Variants in UBE2G1 observed in about 807,000 individuals in gnomAD.
UBE2G1 encodes the protein ubiquitin-conjugating enzyme E2 G1.
UBE2G1 carries 5 observed loss-of-function variants against 22.7 expected under a neutral mutation model. The observed-to-expected ratio is 0.22, with a 90% CI of 0.12 to 0.46. The LOEUF is 0.46. Ranked by LOEUF, UBE2G1 falls within the 20% of genes least tolerant of loss-of-function variation. The probability of loss-of-function intolerance (pLI) is 0.99; values close to 1 mark genes in which losing one functional copy is unlikely to be tolerated. For synonymous variants in UBE2G1, 74 were observed against 67.5 expected (o/e 1.10, Z -0.47); for missense variants, 88 against 203.9 (o/e 0.43, Z 3.46).
chr17:4,292,190 G>C (rs1038752048), intron 3 of UBE2G1, among the ~76,000 whole-genome samples: 14 of 151,768 alleles, frequency 9.2e-5, no homozygotes, highest in African/African-American at 2.7e-4. Context: ...GCCGGGCTTG[G>C]TGGCACGCAC....
At chr17:4,278,244 T>A (rs530308258) in intron 5 of UBE2G1, among the ~76,000 whole-genome samples, 140 of 152,294 alleles carry the variant, frequency 9.2e-4, no homozygotes, top group African/African-American at 3.3e-3. Flanking sequence ...TACAAAAAAA[T>A]TGTGTAATGG....
intron 1 of UBE2G1, among the ~76,000 whole-genome samples, chr17:4,363,509 C>T (rs1969992121): frequency 1.3e-5 from 2 of 152,162 alleles, no homozygotes; most frequent in Admixed American, 1.3e-4. Context: ...AAAACGGAAC[C>T]AGATGACCAT....
intron 1 of UBE2G1, among the ~76,000 whole-genome samples, chr17:4,354,584 C>T (rs1375535014): frequency 6.6e-6 from 1 of 152,064 alleles, no homozygotes; most frequent in Non-Finnish European, 1.5e-5. Flanking sequence ...GAAAATAAAA[C>T]TGTTTCTACT....
intron 1 of UBE2G1, among the ~76,000 whole-genome samples, chr17:4,319,990 T>C (rs1969419831): frequency 6.6e-6 from 1 of 151,948 alleles, no homozygotes; most frequent in African/African-American, 2.4e-5. Flanking sequence ...TAATAATATA[T>C]GCTGTCATTG....
chr17:4,318,751 T>C (rs1598192542), intron 1 of UBE2G1, among the ~76,000 whole-genome samples: 1 of 152,160 alleles, frequency 6.6e-6, no homozygotes, highest in Non-Finnish European at 1.5e-5. Flanking sequence ...TTCCCCACAT[T>C]ATACGGGGCA....
intron 1 of UBE2G1, among the ~76,000 whole-genome samples, chr17:4,319,325 ATAGG>A (rs1263738264): frequency 6.6e-6 from 1 of 152,336 alleles, no homozygotes; most frequent in East Asian, 1.9e-4. Flanking sequence ...CAAGTCCAGT[ATAGG>A]TGGGTGGGTG....
At chr17:4,274,218 G>C (rs1189477585) in intron 5 of UBE2G1, among the ~76,000 whole-genome samples, 1 of 113,762 alleles carries the variant, frequency 8.8e-6, no homozygotes, top group South Asian at 3.0e-4. Context: ...TTTTTTTTGA[G>C]ACAGAGTCTT....
intron 1 of UBE2G1, among the ~76,000 whole-genome samples, chr17:4,356,524 A>G (rs1317217727): frequency 6.6e-6 from 1 of 152,180 alleles, no homozygotes; most frequent in East Asian, 1.9e-4. Context: ...CTGATCCTTT[A>G]TTCCATTTTC....
chr17:4,353,458 T>TAC (rs1460520780), intron 1 of UBE2G1, among the ~76,000 whole-genome samples: 21 of 133,424 alleles, frequency 1.6e-4, no homozygotes, highest in African/African-American at 6.2e-4. Flanking sequence ...GATATATATA[T>TAC]ATATACACAC....
chr17:4,358,394 T>C (rs73330879), intron 1 of UBE2G1, among the ~76,000 whole-genome samples: 8,090 of 152,124 alleles, frequency 0.053, 758 homozygotes, highest in African/African-American at 0.19. Context: ...GCCTCCCTAG[T>C]AGCTGAAACT....
At chr17:4,348,454 G>A (rs1460907288) in intron 1 of UBE2G1, among the ~76,000 whole-genome samples, 1 of 150,454 alleles carries the variant, frequency 6.6e-6, no homozygotes, top group Admixed American at 6.6e-5. Flanking sequence ...TTGGGAGGCT[G>A]AGGCAGGAGA....
chr17:4,309,062 C>T (rs1969278773), intron 1 of UBE2G1, among the ~76,000 whole-genome samples: 1 of 152,170 alleles, frequency 6.6e-6, no homozygotes, highest in Middle Eastern at 3.2e-3. Context: ...GAGTTCAAGA[C>T]CAGCCTGGCC....
intron 1 of UBE2G1, among the ~76,000 whole-genome samples, chr17:4,339,146 A>G (rs1969682991): frequency 6.6e-6 from 1 of 152,220 alleles, no homozygotes; most frequent in Non-Finnish European, 1.5e-5. Flanking sequence ...ACATCATGTT[A>G]GATCAAGAGA....
At chr17:4,337,450 C>T (rs536880518) in intron 1 of UBE2G1, among the ~76,000 whole-genome samples, 22 of 151,614 alleles carry the variant, frequency 1.5e-4, no homozygotes, top group African/African-American at 3.4e-4. Context: ...GTCAGGGGTT[C>T]GAAACCAGCC....
chr17:4,356,619 G>T (rs1300223561), intron 1 of UBE2G1, among the ~76,000 whole-genome samples: 4 of 152,194 alleles, frequency 2.6e-5, no homozygotes, highest in Non-Finnish European at 5.9e-5. Context: ...TGTAATCCCA[G>T]CACTCTGGGA....
At chr17:4,330,595 G>A (rs747440991) in intron 1 of UBE2G1, among the ~76,000 whole-genome samples, 49 of 151,422 alleles carry the variant, frequency 3.2e-4, no homozygotes, top group Non-Finnish European at 1.3e-4. Context: ...AAATTAGCCA[G>A]GCATGGTGGC....
chr17:4,324,412 T>C (rs544158663), intron 1 of UBE2G1, among the ~76,000 whole-genome samples: 5 of 152,344 alleles, frequency 3.3e-5, no homozygotes, highest in South Asian at 2.1e-4. Flanking sequence ...TTTGGGTATA[T>C]TGAGTTAAAT....
At chr17:4,296,626 A>C in intron 3 of UBE2G1, 91 bp downstream of exon 3, 1 of 1,302,528 alleles carries the variant, frequency 7.7e-7, no homozygotes, top group Non-Finnish European at 1.1e-6. Flanking sequence ...AAGCAATTTC[A>C]CTGAGAAACA....
chr17:4,334,852 T>C (rs1969625680), intron 1 of UBE2G1, among the ~76,000 whole-genome samples: 1 of 152,198 alleles, frequency 6.6e-6, no homozygotes, highest in African/African-American at 2.4e-5. Flanking sequence ...AGTAAAAGTT[T>C]TTTTTAAAAG....
Sources: allele counts gnomAD v4.1 joint callset (sites outside exome capture counted in the v4.1 genomes callset), GRCh38; gene constraint gnomAD v4.1.1; transcripts MANE v1.5; gene names NCBI Gene and HGNC (gene_info 2026-07-23, HGNC 2026-07-21).